Variants in HSD17B14 observed in about 807,000 individuals in gnomAD.
HSD17B14 encodes L-fucose dehydrogenase.
HSD17B14 carries 32 observed loss-of-function variants against 32.2 expected under a neutral mutation model. The ratio of observed to expected loss-of-function variants is 0.99; its 90% CI spans 0.75 to 1.33. HSD17B14 has a LOEUF of 1.33. HSD17B14 is among the 40% of genes most tolerant of loss of function. The pLI is 0.00. For synonymous variants in HSD17B14, 140 were observed against 155.4 expected, an observed-to-expected ratio of 0.90 and a Z score of 0.74; for missense variants, 370 against 366.5, an observed-to-expected ratio of 1.01 and a Z score of -0.08.
chr19:48,813,092 G>T lies in HSD17B14; in HGVS notation c.*83C>A. ...TTGCTAACTGGGCTTAGAGTCTAAG[G>T]GCTTGGGGGCTGCATCTGATACAGG... is the stretch of plus-strand genomic sequence containing the variant. On this transcript the variant is annotated 3_prime_UTR_variant, in exon 9 of 9. Coordinates refer to ENST00000263278, the MANE Select transcript of HSD17B14 (RefSeq NM_016246.3). 1.1e-6 allele frequency: 1 copy of T among 885,672 alleles called. No homozygotes were observed. Among genetic ancestry groups the T allele is most frequent in the South Asian group, 1.7e-5 (1 of 59,850 alleles). The allele number at this position is 885,672 out of a possible 1,614,324, so 54.9% of individuals were successfully genotyped here.
chr19:48,813,758 T>C, intron 6 of HSD17B14, 28 bp from the exon 7 acceptor site: 1 of 1,613,648 alleles, frequency 6.2e-7, no homozygotes, highest in Non-Finnish European at 8.5e-7. Flanking sequence ...GGGAAGAAAG[T>C]TCAGTCCCCG....
chr19:48,816,038 A>G (rs999688869), intron 5 of HSD17B14, among the ~76,000 whole-genome samples: 75 of 151,534 alleles, frequency 4.9e-4, no homozygotes, highest in Non-Finnish European at 8.3e-4. Flanking sequence ...AAAAAAAAAA[A>G]AAAAAGAAAT....
At chr19:48,832,757 G>GTTTT in intron 3 of HSD17B14, 25 bp from the exon 4 acceptor site, 4 of 1,413,370 alleles carry the variant, frequency 2.8e-6, no homozygotes, top group African/African-American at 1.4e-5. Context: ...AATGTCCTTT[G>GTTTT]TTTTTTTTTT....
intron 2 of HSD17B14, among the ~76,000 whole-genome samples, chr19:48,834,715 C>T (rs1177993379): frequency 1.1e-5 from 1 of 93,726 alleles, no homozygotes; most frequent in Non-Finnish European, 2.0e-5. Flanking sequence ...GGGCTGGGAG[C>T]CTGGACTCCT....
At chr19:48,814,642 C>T (rs1417655580) in intron 6 of HSD17B14, among the ~76,000 whole-genome samples, 1 of 151,228 alleles carries the variant, frequency 6.6e-6, no homozygotes, top group African/African-American at 2.4e-5. Flanking sequence ...AAGATCGAGA[C>T]CATCCTGGCT....
At chr19:48,826,522 G>GAAAAAAAAAAAAAAA (rs2035249672) in intron 5 of HSD17B14, among the ~76,000 whole-genome samples, 1 of 2,764 alleles carries the variant, frequency 3.6e-4, no homozygotes, top group African/African-American at 1.6e-3. Flanking sequence ...TAAAAGAAAA[G>GAAAAAAAAAAAAAAA]AAGAAAATAT....
Position 48,816,716 on chromosome 19 carries a change from G to A in HSD17B14, c.370-1575C>T, listed in dbSNP as rs190296734. On this transcript the variant is annotated intron_variant, in intron 5 of 8. Coordinates refer to ENST00000263278, the MANE Select transcript of HSD17B14 (RefSeq NM_016246.3). ...TGTAATCCTTGCACTTTGGGAAGCC[G>A]AGGAGGGAGGATTGCTTGAACCCAG... Among the ~76,000 whole-genome samples the A allele has an allele frequency of 1.3e-3, 192 of 152,280 alleles. 2 individuals are homozygous for A. In the Middle Eastern group the frequency reaches 0.017, roughly 13 times the overall value.
intron 5 of HSD17B14, 90 bp from the exon 6 acceptor site, chr19:48,815,231 T>C: frequency 2.2e-6 from 2 of 923,520 alleles, no homozygotes; most frequent in Non-Finnish European, 3.5e-6. Context: ...ATGTCTGGGA[T>C]GACGGCCACC....
intron 5 of HSD17B14, among the ~76,000 whole-genome samples, chr19:48,817,002 ATTTT>A (rs758061335): frequency 1.0e-5 from 1 of 97,586 alleles, no homozygotes. Flanking sequence ...CACCAGGATA[ATTTT>A]TTTTTTTTTT....
intron 5 of HSD17B14, among the ~76,000 whole-genome samples, chr19:48,826,898 TG>T: frequency 6.6e-6 from 1 of 151,928 alleles, no homozygotes; most frequent in East Asian, 1.9e-4. Flanking sequence ...CACGATCTCA[TG>T]CCCAATGCCC....
At chr19:48,813,376 T>C (rs1178247484) in intron 8 of HSD17B14, 28 bp from the exon 9 acceptor site, 1 of 1,555,544 alleles carries the variant, frequency 6.4e-7, no homozygotes, top group Non-Finnish European at 8.7e-7. Flanking sequence ...GGGAAGGAGG[T>C]CAAGAGGAGC....
chr19:48,822,654 G>A (rs1568520038), intron 5 of HSD17B14, among the ~76,000 whole-genome samples: 1 of 150,866 alleles, frequency 6.6e-6, no homozygotes. Flanking sequence ...GATGATTGTG[G>A]TAATGATGGT....
At chr19:48,821,350 G>A (rs2035145832) in intron 5 of HSD17B14, among the ~76,000 whole-genome samples, 1 of 152,150 alleles carries the variant, frequency 6.6e-6, no homozygotes, top group Non-Finnish European at 1.5e-5. Context: ...ATCCAGCTCT[G>A]AGAGACTACA....
intron 5 of HSD17B14, among the ~76,000 whole-genome samples, chr19:48,825,811 T>A (rs980475216): frequency 1.3e-5 from 2 of 151,946 alleles, no homozygotes; most frequent in African/African-American, 2.4e-5. Context: ...TTGACCAACT[T>A]GACCAACTTT....
Position 48,816,779 on chromosome 19 carries a change from TTTTCTTTCTTTC to T in HSD17B14, c.370-1650_370-1639del, listed in dbSNP as rs368394306. ...AGCATGGGCAGCTTAGCAAGACCCT[TTTTCTTTCTTTC>T]TTTCTTTCTTTCTTTCTTTCTTTCT... On this transcript the variant is annotated intron_variant, in intron 5 of 8. Transcript: ENST00000263278. 9.8e-5 allele frequency among the ~76,000 whole-genome samples: 12 copies of T among 122,284 alleles called. No individual in the cohort carries two copies. The South Asian group carries it at 1.1e-3, about 11-fold the overall frequency. The allele number at this position is 122,284 out of a possible 152,430, so 80.2% of individuals were successfully genotyped here. A position where few individuals can be genotyped will look rare whatever the true frequency, so the allele number is the denominator to read the frequency against.
At chr19:48,822,295 G>A (rs1389561261) in intron 5 of HSD17B14, among the ~76,000 whole-genome samples, 4 of 151,464 alleles carry the variant, frequency 2.6e-5, no homozygotes. Context: ...GGATGGTGAT[G>A]GTGGTGATGG....
At chr19:48,821,076 G>C (rs982431672) in intron 5 of HSD17B14, among the ~76,000 whole-genome samples, 3 of 147,242 alleles carry the variant, frequency 2.0e-5, no homozygotes, top group Admixed American at 6.9e-5. Flanking sequence ...GCAGTGGCGC[G>C]ATCTCAGCTT....
At chr19:48,826,676 G>A (rs2122778310) in intron 5 of HSD17B14, among the ~76,000 whole-genome samples, 1 of 151,164 alleles carries the variant, frequency 6.6e-6, no homozygotes, top group East Asian at 1.9e-4. Context: ...TTTGGAACAG[G>A]AGCCAGGGTT....
intron 5 of HSD17B14, among the ~76,000 whole-genome samples, chr19:48,830,620 G>A (rs1043591561): frequency 1.3e-5 from 2 of 151,880 alleles, no homozygotes; most frequent in South Asian, 4.2e-4. Flanking sequence ...TAACTCGCTC[G>A]GTTACAACAA....
Sources: allele counts gnomAD v4.1 joint callset (sites outside exome capture counted in the v4.1 genomes callset), GRCh38; gene constraint gnomAD v4.1.1; transcripts MANE v1.5; gene names NCBI Gene and HGNC (gene_info 2026-07-23, HGNC 2026-07-21).